Variants in ARMH3 observed in about 807,000 individuals in gnomAD.
The protein encoded by ARMH3 is armadillo like helical domain containing 3, also known as armadillo-like helical domain-containing protein 3.
A neutral mutation model predicts 99.1 loss-of-function variants in ARMH3; 60 were observed. That is an observed-to-expected ratio of 0.61 (90% CI 0.49 to 0.75). ARMH3 has a LOEUF of 0.75. Ranked by LOEUF, ARMH3 falls within the 30% of genes least tolerant of loss-of-function variation. The probability of loss-of-function intolerance (pLI) is 0.00; values close to 1 mark genes in which losing one functional copy is unlikely to be tolerated. For missense variants in ARMH3, 679 were observed against 843.1 expected, an observed-to-expected ratio of 0.81 and a Z score of 2.41; for synonymous variants, 285 against 292.8, an observed-to-expected ratio of 0.97 and a Z score of 0.27.
At chr10:102,030,911 T>C (rs2067115719) in intron 4 of ARMH3, among the ~76,000 whole-genome samples, 1 of 151,966 alleles carries the variant, frequency 6.6e-6, no homozygotes, top group Non-Finnish European at 1.5e-5. Context: ...TCGGTCTTCC[T>C]AGTAGCTGGA....
chr10:102,017,316 C>A (rs1459031203), intron 8 of ARMH3, among the ~76,000 whole-genome samples: 1 of 152,224 alleles, frequency 6.6e-6, no homozygotes, highest in Non-Finnish European at 1.5e-5. Flanking sequence ...ATTAGGCCCA[C>A]CAGCTCGCCC....
intron 17 of ARMH3, among the ~76,000 whole-genome samples, chr10:101,993,098 C>G (rs1001221010): frequency 2.6e-5 from 4 of 151,740 alleles, no homozygotes; most frequent in African/African-American, 9.7e-5. Flanking sequence ...TGGTGAAACC[C>G]CATCTGTAAC....
chr10:102,049,869 T>A lies in ARMH3; in HGVS notation c.-12+6216A>T, dbSNP rs1590240891. Reference sequence around the variant, plus strand: ...ACTGCACCCGGCCCCAACCTATTTTTACAATGAGGATATTACTTTGCCCAA... The same window carrying A: ...ACTGCACCCGGCCCCAACCTATTTTAACAATGAGGATATTACTTTGCCCAA... On this transcript the variant is annotated intron_variant, in intron 1 of 25. Coordinates refer to ENST00000370033, the MANE Select transcript of ARMH3 (RefSeq NM_024541.3). 2.0e-5 allele frequency among the ~76,000 whole-genome samples: 3 copies of A among 152,172 alleles called. No homozygotes were observed. In the South Asian group the frequency reaches 6.2e-4, roughly 32 times the overall value.
At chr10:101,949,698 G>A in intron 22 of ARMH3, among the ~76,000 whole-genome samples, 1 of 152,108 alleles carries the variant, frequency 6.6e-6, no homozygotes, top group East Asian at 1.9e-4. Flanking sequence ...TGAGCAATGA[G>A]AGAACACTTC....
chr10:102,006,443 T>G, intron 14 of ARMH3, 97 bp downstream of exon 14: 1 of 1,368,992 alleles, frequency 7.3e-7, no homozygotes, highest in Non-Finnish European at 1.0e-6. Flanking sequence ...TGGGAAAAAT[T>G]AACAACTACG....
intron 24 of ARMH3, among the ~76,000 whole-genome samples, chr10:101,869,869 C>CA (rs1395087896): frequency 6.6e-6 from 1 of 152,048 alleles, no homozygotes; most frequent in East Asian, 1.9e-4. Flanking sequence ...TCCATCTCTA[C>CA]AAAAAATACA....
At chr10:101,880,975 G>A (rs1278714002) in intron 24 of ARMH3, among the ~76,000 whole-genome samples, 1 of 152,140 alleles carries the variant, frequency 6.6e-6, no homozygotes, top group Non-Finnish European at 1.5e-5. Flanking sequence ...AGACAAAAAT[G>A]GTTTAGCAAG....
At chr10:101,993,243 C>G (rs1041244032) in intron 17 of ARMH3, among the ~76,000 whole-genome samples, 9 of 149,542 alleles carry the variant, frequency 6.0e-5, no homozygotes, top group Non-Finnish European at 1.0e-4. Flanking sequence ...TGCACTCCAG[C>G]CTGGGGGGGA....
chr10:101,894,453 T>C (rs1428731656), intron 23 of ARMH3, among the ~76,000 whole-genome samples: 1 of 152,186 alleles, frequency 6.6e-6, no homozygotes. Context: ...AGTAACTGAA[T>C]TACGTCGCTT....
chr10:101,957,856 G>A (rs10128116), intron 20 of ARMH3, 124 bp from the exon 21 acceptor site: 259,807 of 1,337,266 alleles, frequency 0.19, 29,297 homozygotes, highest in East Asian at 0.57. Context: ...AGCCACCAAG[G>A]TCTTTTAAAA....
At chr10:101,921,707 A>G (rs1269647261) in intron 23 of ARMH3, among the ~76,000 whole-genome samples, 1 of 152,222 alleles carries the variant, frequency 6.6e-6, no homozygotes, top group Non-Finnish European at 1.5e-5. Context: ...GGAGGTCATT[A>G]TGTTAAGTGA....
At position 101,939,956 on chromosome 10, in the gene ARMH3, A is replaced by G; in HGVS notation, c.1706-18T>C. 6.2e-7 allele frequency: 1 copy of G among 1,611,074 alleles called. No individual in the cohort carries two copies. Among genetic ancestry groups the G allele is most frequent in the Middle Eastern group, 1.7e-4 (1 of 6,058 alleles). On this transcript the variant is annotated intron_variant, in intron 22 of 25. Coordinates refer to ENST00000370033, the MANE Select transcript of ARMH3 (RefSeq NM_024541.3). ...CCTCAGGACTGCAAAGAAGGAAAGA[A>G]CACAGATCTGTCAAACCCCCGGCAT...
chr10:101,947,956 C>A (rs1028676582), intron 22 of ARMH3, among the ~76,000 whole-genome samples: 1 of 151,528 alleles, frequency 6.6e-6, no homozygotes, highest in Non-Finnish European at 1.5e-5. Flanking sequence ...CAAATATAGC[C>A]CAAAAGCCAG....
At chr10:102,009,280 G>T in intron 13 of ARMH3, 94 bp downstream of exon 13, 1 of 1,190,778 alleles carries the variant, frequency 8.4e-7, no homozygotes, top group Non-Finnish European at 1.2e-6. Flanking sequence ...GCAAAGCAGG[G>T]TTTAAACAAG....
chr10:101,892,831 A>G (rs972269783), intron 23 of ARMH3, among the ~76,000 whole-genome samples: 6 of 152,254 alleles, frequency 3.9e-5, no homozygotes, highest in African/African-American at 1.2e-4. Context: ...CTTGTGCTCA[A>G]TAAATATTCA....
At chr10:101,870,960 C>A (rs1204685230) in intron 24 of ARMH3, among the ~76,000 whole-genome samples, 1 of 151,792 alleles carries the variant, frequency 6.6e-6, no homozygotes, top group East Asian at 1.9e-4. Flanking sequence ...AAACAACAAA[C>A]AAACAACCAA....
chr10:102,023,810 C>T lies in ARMH3; in HGVS notation c.508-61G>A, dbSNP rs1002522390. Reference sequence around the variant, plus strand: ...GAGGTATTCTGATATCTTGTGTAATCTCCTCCCCTAACATCTAAGAGAAAC... The same window carrying T: ...GAGGTATTCTGATATCTTGTGTAATTTCCTCCCCTAACATCTAAGAGAAAC... On this transcript the variant is annotated intron_variant, in intron 6 of 25. Transcript: ENST00000370033. 61 of 1,456,530 alleles carry T rather than the reference C, an allele frequency of 4.2e-5. 1 individual carries two copies. Among genetic ancestry groups the T allele is most frequent in the Non-Finnish European group, 5.8e-5 (60 of 1,041,876 alleles). The allele number at this position is 1,456,530 out of a possible 1,614,324, so 90.2% of individuals were successfully genotyped here.
At chr10:102,021,727 T>C (rs1362893499) in intron 8 of ARMH3, among the ~76,000 whole-genome samples, 1 of 151,998 alleles carries the variant, frequency 6.6e-6, no homozygotes, top group Non-Finnish European at 1.5e-5. Flanking sequence ...TTTGTATTTT[T>C]AGTAGAGACG....
intron 15 of ARMH3, among the ~76,000 whole-genome samples, chr10:101,999,196 C>CT (rs571429862): frequency 7.8e-4 from 112 of 143,612 alleles, no homozygotes; most frequent in East Asian, 2.4e-3. Context: ...AAAAAAAATC[C>CT]TTTTTTTTTT....
Sources: gnomAD v4.1 joint callset for allele counts (sites outside exome capture counted in the v4.1 genomes callset) on GRCh38, gnomAD v4.1.1 for gene constraint, MANE v1.5 for transcripts, NCBI Gene and HGNC (gene_info 2026-07-23, HGNC 2026-07-21) for gene names.